The following TSEN2 variants were observed in gnomAD, a reference collection of about 807,000 sequenced individuals.
TSEN2 encodes the protein tRNA-splicing endonuclease subunit Sen2.
In TSEN2, 54 loss-of-function variants were observed where a neutral mutation model predicts 59.2. The ratio of observed to expected loss-of-function variants is 0.91; its 90% CI spans 0.73 to 1.14. The LOEUF is 1.14. Ranked by LOEUF, TSEN2 falls within the 50% of genes most tolerant of loss-of-function variation. TSEN2 has a pLI of 0.00. For missense variants in TSEN2, 636 were observed against 576.2 expected, an observed-to-expected ratio of 1.10 and a Z score of -1.06; for synonymous variants, 195 against 198.2, an observed-to-expected ratio of 0.98 and a Z score of 0.14.
At chr3:12,494,955 G>A (rs11916940) in intron 3 of TSEN2, among the ~76,000 whole-genome samples, 1,887 of 150,470 alleles carry the variant, frequency 0.013, 45 homozygotes, top group African/African-American at 0.043. Flanking sequence ...GCGAAATCCT[G>A]TCTCTACCAA....
rs1451808043 is a variant in TSEN2, at chr3:12,506,591, AAAAAGTGGCT to A, written c.909+1370_909+1379del. 5.7e-6 allele frequency: 4 copies of A among 698,952 alleles called. No homozygotes were observed. In the Admixed American group the frequency reaches 1.9e-4, roughly 33 times the overall value. 43.3% of individuals were successfully genotyped at this position (698,952 alleles called of 1,614,324 possible). ...GAGATCCTGTTTCAAAAAAAAAAAA[AAAAAGTGGCT>A]AAAAGTGGCCTTCCATAAACTGCAT... On this transcript the variant is annotated intron_variant, in intron 6 of 11. Transcript: ENST00000284995.
chr3:12,488,368 A>C (rs1159214176), intron 1 of TSEN2, among the ~76,000 whole-genome samples: 1 of 152,230 alleles, frequency 6.6e-6, no homozygotes, highest in African/African-American at 2.4e-5. Context: ...GTTGAAATCA[A>C]GTCTAGACCT....
downstream of TSEN2, among the ~76,000 whole-genome samples, chr3:12,534,073 C>T (rs112483618): frequency 2.6e-5 from 4 of 152,132 alleles, no homozygotes; most frequent in Non-Finnish European, 2.9e-5. Flanking sequence ...GCTGAAATGG[C>T]GCTATCCTAA....
intron 4 of TSEN2, among the ~76,000 whole-genome samples, chr3:12,502,465 G>A (rs1003994870): frequency 1.3e-5 from 2 of 152,054 alleles, no homozygotes; most frequent in African/African-American, 4.8e-5. Flanking sequence ...GAACCCGGGA[G>A]GCAGAGGTTA....
At position 12,503,462 on chromosome 3, in the gene TSEN2, C is replaced by T; in HGVS notation, c.509C>T (p.Pro170Leu). The T allele has an allele frequency of 6.2e-7, 1 of 1,614,176 alleles. No homozygotes were observed. Among genetic ancestry groups the T allele is most frequent in the Non-Finnish European group, 8.5e-7 (1 of 1,180,024 alleles). The change falls in exon 5 of 12, where the codon CCT becomes CTT. Residue 170 changes from proline (P) to leucine (L), a missense_variant. Physicochemically the swap from Pro to Leu is moderately conservative, Grantham distance 98. Transcript: ENST00000284995. The stretch of plus-strand genomic sequence containing the variant: ...GAAGGCACAGCAGGGGGAGAGAGAC[C>T]TTCTGTGGTAAACGGGGACTCTGGA... ...NMEGTAGGER[P>L]SVVNGDSGKS... is the part of the protein sequence containing the mutation.
intron 3 of TSEN2, among the ~76,000 whole-genome samples, chr3:12,492,465 G>A (rs2124951756): frequency 6.6e-6 from 1 of 152,314 alleles, no homozygotes; most frequent in Admixed American, 6.5e-5. Context: ...GCTTAGCAGA[G>A]TACTATGCCT....
intron 9 of TSEN2, 119 bp downstream of exon 9, chr3:12,529,043 A>G (rs2057292174): frequency 1.0e-6 from 1 of 956,906 alleles, no homozygotes; most frequent in Non-Finnish European, 1.7e-6. Flanking sequence ...CCTGATACGA[A>G]TAGATGCTAT....
chr3:12,531,475 AG>A, intron 10 of TSEN2, 94 bp from the exon 11 acceptor site: 1 of 763,162 alleles, frequency 1.3e-6, no homozygotes, highest in Non-Finnish European at 2.3e-6. Flanking sequence ...GTGCACAGTG[AG>A]AGGGACTGGA....
At chr3:12,496,448 T>G in intron 3 of TSEN2, 70 bp from the exon 4 acceptor site, 1 of 1,502,976 alleles carries the variant, frequency 6.7e-7, no homozygotes, top group Non-Finnish European at 9.3e-7. Context: ...TCTCAGTCTT[T>G]CCTAGATTTT....
chr3:12,489,981 T>A lies in TSEN2; in HGVS notation c.181T>A (p.Tyr61Asn). Residue 61 changes from tyrosine to asparagine, a missense_variant, in exon 2 of 12, where the codon TAT becomes AAT. Transcript: ENST00000284995. Reference sequence around the variant, plus strand: ...GAATGCGGAGGACATTGAGCAGCTCTATGGGAAAGTAAGTGCAGGCAGCCT... The same window carrying A: ...GAATGCGGAGGACATTGAGCAGCTCAATGGGAAAGTAAGTGCAGGCAGCCT... ...VRNAEDIEQL[Y>N]GKGYFGKGIL... 6.2e-7 allele frequency: 1 copy of A among 1,614,084 alleles called. No individual in the cohort carries two copies. The highest frequency in any genetic ancestry group is 1.7e-5 in the Admixed American group (1 of 60,024).
chr3:12,491,243 C>T (rs1476202532), intron 2 of TSEN2, among the ~76,000 whole-genome samples: 1 of 152,156 alleles, frequency 6.6e-6, no homozygotes, highest in South Asian at 2.1e-4. Context: ...CTGCCCACCT[C>T]GGCCTCCCAA....
chr3:12,530,194 T>C, intron 10 of TSEN2: 1 of 1,164,122 alleles, frequency 8.6e-7, no homozygotes, highest in South Asian at 3.0e-5. Flanking sequence ...TGTGACTTGT[T>C]TTATACTGCA....
At chr3:12,537,931 TATAA>T (rs1159390546), downstream of TSEN2, among the ~76,000 whole-genome samples, 3 of 152,190 alleles carry the variant, frequency 2.0e-5, no homozygotes, top group Non-Finnish European at 4.4e-5. Flanking sequence ...TGAATCCTAG[TATAA>T]AATGTGAAGA....
At chr3:12,518,549 G>C (rs1327213898) in intron 7 of TSEN2, among the ~76,000 whole-genome samples, 5 of 152,194 alleles carry the variant, frequency 3.3e-5, no homozygotes, top group African/African-American at 1.2e-4. Flanking sequence ...TAGAAGGACA[G>C]TGAGAGCCTC....
At chr3:12,491,887 G>A (rs1023297601) in intron 2 of TSEN2, among the ~76,000 whole-genome samples, 9 of 152,154 alleles carry the variant, frequency 5.9e-5, no homozygotes, top group African/African-American at 1.7e-4. Context: ...TATTTACATA[G>A]CATTTGCATT....
intron 8 of TSEN2, 57 bp from the exon 9 acceptor site, chr3:12,528,831 A>G: frequency 6.3e-7 from 1 of 1,584,238 alleles, no homozygotes; most frequent in South Asian, 1.1e-5. Context: ...GTTGAGTCTT[A>G]CTCCTCTCTC....
chr3:12,515,339 T>TA (rs1488264400), intron 6 of TSEN2, among the ~76,000 whole-genome samples: 1 of 152,168 alleles, frequency 6.6e-6, no homozygotes, highest in Non-Finnish European at 1.5e-5. Context: ...CCTCAAAGCT[T>TA]ATGACAGGGA....
chr3:12,482,140 GAC>G (rs2052200647), upstream of TSEN2, among the ~76,000 whole-genome samples: 3 of 152,242 alleles, frequency 2.0e-5, no homozygotes, highest in East Asian at 5.8e-4. Flanking sequence ...TTATTTTTGA[GAC>G]AGAGTTTTTA....
downstream of TSEN2, among the ~76,000 whole-genome samples, chr3:12,536,198 G>C (rs1041885173): frequency 2.0e-5 from 3 of 152,192 alleles, no homozygotes; most frequent in Non-Finnish European, 4.4e-5. Flanking sequence ...GGGAGGAGAG[G>C]CAATACTGTA....
Sources: gnomAD v4.1 joint callset for allele counts (sites outside exome capture counted in the v4.1 genomes callset) on GRCh38, gnomAD v4.1.1 for gene constraint, MANE v1.5 for transcripts, NCBI Gene and HGNC (gene_info 2026-07-23, HGNC 2026-07-21) for gene names.